The following CPNE7 variants were observed in gnomAD, a reference collection of about 807,000 sequenced individuals.
The protein encoded by CPNE7 is copine-7.
Under a neutral mutation model 66.5 loss-of-function variants are expected in CPNE7, and 78 were observed. The ratio of observed to expected loss-of-function variants is 1.17; its 90% CI spans 0.98 to 1.42. The LOEUF is 1.42. CPNE7 is among the 40% of genes most tolerant of loss of function. The pLI is 0.00. For missense variants in CPNE7, 1,012 were observed against 776.6 expected, an observed-to-expected ratio of 1.30 and a Z score of -3.60; for synonymous variants, 468 against 336.7, an observed-to-expected ratio of 1.39 and a Z score of -4.27.
intron 13 of CPNE7, among the ~76,000 whole-genome samples, chr16:89,591,582 C>T (rs890794413): frequency 1.3e-5 from 2 of 152,222 alleles, no homozygotes; most frequent in African/African-American, 4.8e-5. Context: ...ATTTTGTTTA[C>T]ATGTGTCTTT....
At chr16:89,587,708 C>T (rs1431439725) in intron 9 of CPNE7, 6 of 331,030 alleles carry the variant, frequency 1.8e-5, no homozygotes, top group Non-Finnish European at 2.6e-5. Flanking sequence ...CCCCGTGTCA[C>T]CCCCATAGCA....
chr16:89,597,115 C>T lies in CPNE7; in HGVS notation c.*494C>T, dbSNP rs1199214051. On this transcript the variant is annotated 3_prime_UTR_variant, in exon 15 of 15. Transcript: ENST00000319518. ...TCCCTGCTGGTGCCCCCACACCCAC[C>T]TACCCTGTGCTTTTTGCCGTCGGGC... The T allele has an allele frequency of 6.5e-6, 1 of 154,296 alleles. No homozygotes were observed. Among genetic ancestry groups the T allele is most frequent in the Non-Finnish European group, 1.4e-5 (1 of 69,518 alleles). 9.6% of individuals were successfully genotyped at this position (154,296 alleles called of 1,614,324 possible). A position where few individuals can be genotyped will look rare whatever the true frequency, so the allele number is the denominator to read the frequency against.
chr16:89,596,361 T>C, intron 14 of CPNE7, 123 bp from the exon 15 acceptor site: 1 of 1,345,282 alleles, frequency 7.4e-7, no homozygotes, highest in South Asian at 1.4e-5. Flanking sequence ...GGTGAGCCTC[T>C]GGTGGGGGTG....
chr16:89,592,550 C>T (rs575002050), intron 13 of CPNE7, among the ~76,000 whole-genome samples: 4 of 149,750 alleles, frequency 2.7e-5, no homozygotes, highest in African/African-American at 9.8e-5. Flanking sequence ...TCAAGCAATT[C>T]TCCTGCCTCA....
At chr16:89,589,540 C>G (rs1215522732) in intron 10 of CPNE7, among the ~76,000 whole-genome samples, 1 of 152,140 alleles carries the variant, frequency 6.6e-6, no homozygotes, top group East Asian at 1.9e-4. Flanking sequence ...CCTGAGCTCC[C>G]TACCCTACAG....
chr16:89,584,921 T>G lies in CPNE7; in HGVS notation c.591+64T>G. ...GCTGTCCCCAGCCCTCACGCATCTC[T>G]GGCCACATGGGAGGAGCTCCCAGCC... On this transcript the variant is annotated intron_variant, in intron 5 of 14. Coordinates refer to ENST00000319518, the MANE Select transcript of CPNE7 (RefSeq NM_153636.3). This position sits in a 1 kb window ranked among gnomAD's most constrained non-coding sequence, Gnocchi z 6.0. 4.2e-6 allele frequency: 6 copies of G among 1,413,268 alleles called. No individual in the cohort carries two copies. Among genetic ancestry groups the G allele is most frequent in the Non-Finnish European group, 5.0e-6 (5 of 1,006,044 alleles). 87.5% of individuals were successfully genotyped at this position (1,413,268 alleles called of 1,614,324 possible). A position where few individuals can be genotyped will look rare whatever the true frequency, so the allele number is the denominator to read the frequency against.
intron 2 of CPNE7, among the ~76,000 whole-genome samples, chr16:89,579,228 G>T (rs917814546): frequency 6.6e-6 from 1 of 151,798 alleles, no homozygotes; most frequent in African/African-American, 2.4e-5. Flanking sequence ...GGAGGCAGAG[G>T]TTTCAGCGAG....
chr16:89,585,888 G>A, intron 7 of CPNE7, 103 bp downstream of exon 7: 1 of 135,310 alleles, frequency 7.4e-6, no homozygotes, highest in Non-Finnish European at 1.5e-5. Context: ...GTACCTCCAG[G>A]AAGTGTCAGG....
chr16:89,575,795 G>A lies in CPNE7; in HGVS notation c.-103G>A, dbSNP rs183412981. 354 of 885,226 alleles carry A rather than the reference G, an allele frequency of 4.0e-4. 1 individual carries two copies. In the African/African-American group the frequency reaches 5.7e-3, roughly 14 times the overall value. The allele number at this position is 885,226 out of a possible 1,614,324, so 54.8% of individuals were successfully genotyped here. A position where few individuals can be genotyped will look rare whatever the true frequency, so the allele number is the denominator to read the frequency against. On this transcript the variant is annotated 5_prime_UTR_variant, in exon 1 of 15. Transcript: ENST00000319518. ...GCCCGGCAGGCGTTCAGGGAAGCGC[G>A]GCCACGCCTGGGCCGGCCACCATTT...
chr16:89,583,309 T>C, intron 2 of CPNE7: 1 of 833,692 alleles, frequency 1.2e-6, no homozygotes, highest in Middle Eastern at 2.8e-4. Context: ...GGTTCTCACC[T>C]GGGCCTGGAG....
chr16:89,592,047 A>G (rs771972714), intron 13 of CPNE7, among the ~76,000 whole-genome samples: 27 of 141,080 alleles, frequency 1.9e-4, no homozygotes, highest in Non-Finnish European at 3.6e-4. Flanking sequence ...TCGCTCTGTC[A>G]CCCAGGCTGG....
At chr16:89,576,241 G>A (rs552739508) in intron 1 of CPNE7, among the ~76,000 whole-genome samples, 170 bp downstream of exon 1, 160 of 152,190 alleles carry the variant, frequency 1.1e-3, no homozygotes, top group African/African-American at 3.7e-3. Context: ...TCTGGGGGTG[G>A]GGTGTCCAGA....
chr16:89,581,913 G>A (rs1488022153), intron 2 of CPNE7, among the ~76,000 whole-genome samples: 1 of 152,176 alleles, frequency 6.6e-6, no homozygotes, highest in African/African-American at 2.4e-5. Context: ...CCAAAATGTT[G>A]GGATTATAGG....
At position 89,596,703 on chromosome 16, in the gene CPNE7, C is replaced by G. The variant is rs910414573; in HGVS notation, c.*82C>G. 21 of 1,398,104 alleles carry G rather than the reference C, an allele frequency of 1.5e-5. No individual in the cohort carries two copies. In the East Asian group the frequency reaches 5.2e-4, roughly 35 times the overall value. The allele number at this position is 1,398,104 out of a possible 1,614,324, so 86.6% of individuals were successfully genotyped here. A position where few individuals can be genotyped will look rare whatever the true frequency, so the allele number is the denominator to read the frequency against. On this transcript the variant is annotated 3_prime_UTR_variant, in exon 15 of 15. Coordinates refer to ENST00000319518, the MANE Select transcript of CPNE7 (RefSeq NM_153636.3). ...TGCAACATGCTTGGGGTCCCTTAAG[C>G]TCCCTCCGACCTCCCAGAAGCCTCC...
intron 9 of CPNE7, among the ~76,000 whole-genome samples, chr16:89,588,169 GCGTGTCAC>G (rs1567961740): frequency 5.5e-5 from 3 of 54,822 alleles, no homozygotes; most frequent in Non-Finnish European, 3.3e-5. Flanking sequence ...CGTGTCACCC[GCGTGTCAC>G]CCACAGATAC....
At chr16:89,576,793 C>G (rs924037795) in intron 1 of CPNE7, among the ~76,000 whole-genome samples, 2 of 152,180 alleles carry the variant, frequency 1.3e-5, no homozygotes, top group Admixed American at 1.3e-4. Flanking sequence ...GGCGGCTGCT[C>G]GGGCGGTGGA....
intron 9 of CPNE7, chr16:89,587,755 A>ACC (rs71134243): frequency 2.7e-5 from 2 of 73,488 alleles, no homozygotes; most frequent in Non-Finnish European, 5.7e-5. Context: ...CCCCCGTGTC[A>ACC]CCCGCGTGTC....
intron 9 of CPNE7, 146 bp downstream of exon 9, chr16:89,587,248 T>TC (rs1358134458): frequency 0.11 from 6,174 of 55,564 alleles, 770 homozygotes; most frequent in Middle Eastern, 0.2. Context: ...GCCCCGCCCC[T>TC]CCCGCCCCCT....
At chr16:89,576,118 G>A in intron 1 of CPNE7, 47 bp downstream of exon 1, 3 of 1,234,660 alleles carry the variant, frequency 2.4e-6, no homozygotes, top group Non-Finnish European at 3.0e-6. Context: ...GCCGGGGCTG[G>A]CGCCGAGCTG....
Sources: gnomAD v4.1 joint callset for allele counts (sites outside exome capture counted in the v4.1 genomes callset) on GRCh38, gnomAD v4.1.1 for gene constraint, Gnocchi (gnomAD v3.1) non-coding constraint, MANE v1.5 for transcripts, NCBI Gene and HGNC (gene_info 2026-07-23, HGNC 2026-07-21) for gene names.